Variants in PER2 observed in about 807,000 individuals in gnomAD.
PER2 encodes period circadian regulator 2, also known as period circadian protein homolog 2.
PER2 carries 66 observed loss-of-function variants against 121.0 expected under a neutral mutation model. The ratio of observed to expected loss-of-function variants is 0.55; its 90% CI spans 0.45 to 0.67. PER2 has a LOEUF of 0.67. Among genes scored for constraint, PER2 ranks in the 30% least tolerant of loss-of-function variants. The pLI, the probability that PER2 is intolerant of heterozygous loss-of-function variation, is 0.00. For synonymous variants in PER2, 684 were observed against 659.9 expected (o/e 1.04, Z -0.56); for missense variants, 1,521 against 1,635.0 (o/e 0.93, Z 1.20).
chr2:238,299,552 A>G, the PER2 span: 1 of 152,420 alleles, frequency 6.6e-6, no homozygotes, highest in African/African-American at 2.4e-5. Flanking sequence ...AAAAAAAAAG[A>G]AAAAAAAGAA....
chr2:238,264,360 G>T (rs988195616), intron 9 of PER2, among the ~76,000 whole-genome samples: 1 of 152,208 alleles, frequency 6.6e-6, no homozygotes, highest in East Asian at 1.9e-4. Context: ...GCAGCCCCGC[G>T]GACACACCTG....
At chr2:238,247,685 G>T (rs990349070) in intron 22 of PER2, among the ~76,000 whole-genome samples, 3 of 152,222 alleles carry the variant, frequency 2.0e-5, no homozygotes, top group African/African-American at 7.2e-5. Context: ...CATGTGCGAA[G>T]ATCCTGTGGC....
At position 238,268,848 on chromosome 2, in the gene PER2, G is replaced by C. The variant is rs1696194985; in HGVS notation, c.824+75C>G. The C allele has an allele frequency of 1.8e-6, 2 of 1,104,540 alleles. No individual in the cohort carries two copies. The highest frequency in any genetic ancestry group is 1.7e-5 in the Admixed American group (1 of 58,936). The allele number at this position is 1,104,540 out of a possible 1,614,324, so 68.4% of individuals were successfully genotyped here. A position where few individuals can be genotyped will look rare whatever the true frequency, so the allele number is the denominator to read the frequency against. ...CTGCAGGCAGGGATCACGCCCCCCA[G>C]CCTCAAGCGGAGCAGTGCTGGGGTG... On this transcript the variant is annotated intron_variant, in intron 7 of 22. Coordinates refer to ENST00000254657, the MANE Select transcript of PER2 (RefSeq NM_022817.3). This position sits in a 1 kb window ranked among gnomAD's most constrained non-coding sequence, Gnocchi z 4.0.
At chr2:238,271,013 C>T (rs916372716) in intron 6 of PER2, among the ~76,000 whole-genome samples, 3 of 152,244 alleles carry the variant, frequency 2.0e-5, no homozygotes, top group Non-Finnish European at 1.5e-5. Context: ...CCCCACGACC[C>T]GGCCTCCCAC....
chr2:238,262,601 G>A (rs948211457), intron 10 of PER2, among the ~76,000 whole-genome samples: 4 of 152,136 alleles, frequency 2.6e-5, no homozygotes, highest in Admixed American at 1.3e-4. Context: ...GCTTGGTGAG[G>A]ACATGCACTG....
chr2:238,263,011 G>A lies in PER2; in HGVS notation c.1094C>T (p.Pro365Leu), dbSNP rs1695982745. 6.2e-7 allele frequency: 1 copy of A among 1,614,090 alleles called. No homozygotes were observed. The change falls in exon 10 of 23, where the codon CCA (proline) becomes CTA (leucine). Residue 365 changes from proline to leucine, a missense_variant. Coordinates refer to ENST00000254657, the MANE Select transcript of PER2 (RefSeq NM_022817.3). ...ACTAGGGTGGAGCTGCACGAGCACT[G>A]GGGTTTCAATCAGGTCCTGAGGTAG... is the stretch of plus-strand genomic sequence containing the variant. ...GYLPQDLIET[P>L]VLVQLHPSDR...
upstream of PER2, among the ~76,000 whole-genome samples, chr2:238,294,262 G>A (rs1697008244): frequency 6.6e-6 from 1 of 152,204 alleles, no homozygotes; most frequent in African/African-American, 2.4e-5. Flanking sequence ...CTGCAAGGCT[G>A]TTGCCTCAGT....
At position 238,245,421 on chromosome 2, in the gene PER2, C is replaced by T; in HGVS notation, c.*954G>A. 1 of 396,604 alleles carries T rather than the reference C, an allele frequency of 2.5e-6. No homozygotes were observed. The highest frequency in any genetic ancestry group is 4.4e-6 in the Non-Finnish European group (1 of 225,242). 24.6% of individuals were successfully genotyped at this position (396,604 alleles called of 1,614,324 possible). A position where few individuals can be genotyped will look rare whatever the true frequency, so the allele number is the denominator to read the frequency against. On this transcript the variant is annotated 3_prime_UTR_variant, in exon 23 of 23. Coordinates refer to ENST00000254657, the MANE Select transcript of PER2 (RefSeq NM_022817.3). ...ACAGATGCAGTCGCAAGCTGTCAGACTGAGTGGCAGTGGCTGCTCTCGGCC... is the reference window on the plus strand; with the variant it reads ...ACAGATGCAGTCGCAAGCTGTCAGATTGAGTGGCAGTGGCTGCTCTCGGCC...
intron 1 of PER2, 149 bp from the exon 2 acceptor site, chr2:238,278,104 T>G (rs73088949): frequency 1.2e-5 from 7 of 583,688 alleles, no homozygotes; most frequent in Non-Finnish European, 1.5e-5. Flanking sequence ...CTCTCTCTCT[T>G]TCTTTCTTTC....
At chr2:238,256,717 G>A (rs563274616) in intron 17 of PER2, among the ~76,000 whole-genome samples, 2 of 152,356 alleles carry the variant, frequency 1.3e-5, no homozygotes, top group Admixed American at 6.5e-5. Flanking sequence ...GGGCACCACA[G>A]GGCAGCAGAG....
At chr2:238,254,500 A>G (rs1695703165) in intron 18 of PER2, among the ~76,000 whole-genome samples, 1 of 152,220 alleles carries the variant, frequency 6.6e-6, no homozygotes, top group African/African-American at 2.4e-5. Flanking sequence ...GCAAACTCCT[A>G]TGTAAATGGA....
chr2:238,290,637 A>G (rs372503709), upstream of PER2, among the ~76,000 whole-genome samples: 42 of 152,300 alleles, frequency 2.8e-4, no homozygotes, highest in East Asian at 6.2e-3. Flanking sequence ...TCAGAATCTC[A>G]TCTATTTTCA....
At chr2:238,249,289 A>AG in intron 21 of PER2, 77 bp from the exon 22 acceptor site, 1 of 1,435,424 alleles carries the variant, frequency 7.0e-7, no homozygotes, top group East Asian at 2.3e-5. Flanking sequence ...AGAATAATGT[A>AG]GTTTTAGATG....
chr2:238,264,046 G>A (rs148643685), intron 9 of PER2, among the ~76,000 whole-genome samples: 1 of 151,932 alleles, frequency 6.6e-6, no homozygotes, highest in Admixed American at 6.6e-5. Context: ...GGAGGAGGAG[G>A]GGGAGCCCTG....
chr2:238,271,276 C>T (rs763278522), intron 6 of PER2, 36 bp downstream of exon 6: 2 of 1,586,644 alleles, frequency 1.3e-6, no homozygotes. Context: ...CTTTCCCGAC[C>T]CCAGAGGGAA....
At chr2:238,256,856 G>A in intron 17 of PER2, 66 bp downstream of exon 17, 1 of 1,523,284 alleles carries the variant, frequency 6.6e-7, no homozygotes, top group Non-Finnish European at 9.0e-7. Flanking sequence ...AATTTAAGAT[G>A]GCAAACTTCT....
intron 4 of PER2, among the ~76,000 whole-genome samples, chr2:238,275,179 C>T (rs1455562124): frequency 3.3e-5 from 5 of 152,178 alleles, no homozygotes; most frequent in Non-Finnish European, 7.3e-5. Flanking sequence ...ACAAGATCCA[C>T]CAGCCCCTTA....
the PER2 span, chr2:238,295,257 CTCCTTCT>C: frequency 1.3e-5 from 2 of 151,930 alleles, no homozygotes; most frequent in East Asian, 3.9e-4. Flanking sequence ...TCTTCTCCTT[CTCCTTCT>C]TTCTTCTTCT....
intron 6 of PER2, among the ~76,000 whole-genome samples, chr2:238,270,053 A>G (rs1696237082): frequency 6.6e-6 from 1 of 152,208 alleles, no homozygotes. Context: ...CACAACATGC[A>G]TGGCCTCTGT....
Sources: gnomAD v4.1 joint callset for allele counts (sites outside exome capture counted in the v4.1 genomes callset) on GRCh38, gnomAD v4.1.1 for gene constraint, Gnocchi (gnomAD v3.1) non-coding constraint, MANE v1.5 for transcripts, NCBI Gene and HGNC (gene_info 2026-07-23, HGNC 2026-07-21) for gene names.